The following SLC22A14 variants were observed in gnomAD, a reference collection of about 807,000 sequenced individuals.
SLC22A14 encodes the protein organic cation transporter-like 4.
In SLC22A14, 50 loss-of-function variants were observed where a neutral mutation model predicts 53.9. That is an observed-to-expected ratio of 0.93 (90% CI 0.74 to 1.17). The LOEUF is 1.17. SLC22A14 is among the 50% of genes most tolerant of loss of function. The pLI is 0.00. For synonymous variants in SLC22A14, 312 were observed against 303.0 expected (o/e 1.03, Z -0.31); for missense variants, 671 against 734.7 (o/e 0.91, Z 1.00).
At chr3:38,278,836 A>AAG (rs1180675128), upstream of SLC22A14, among the ~76,000 whole-genome samples, 4 of 151,592 alleles carry the variant, frequency 2.6e-5, 1 homozygote, top group African/African-American at 9.7e-5. Flanking sequence ...AAAAAAAAAA[A>AAG]AAAAAGATGG....
intron 1 of SLC22A14, among the ~76,000 whole-genome samples, chr3:38,284,699 A>G (rs13076941): frequency 0.15 from 22,550 of 152,030 alleles, 1,880 homozygotes; most frequent in Non-Finnish European, 0.19. Flanking sequence ...ACATGGAAGA[A>G]TGTCCCCTTC....
At chr3:38,316,821 T>TC (rs1704636469) in intron 10 of SLC22A14, among the ~76,000 whole-genome samples, 3 of 152,178 alleles carry the variant, frequency 2.0e-5, no homozygotes, top group Non-Finnish European at 4.4e-5. Context: ...GGGCATACCC[T>TC]CCAGGGGCAC....
At chr3:38,298,895 C>G (rs1212121678) in intron 1 of SLC22A14, among the ~76,000 whole-genome samples, 3 of 152,152 alleles carry the variant, frequency 2.0e-5, no homozygotes, top group Admixed American at 2.0e-4. Flanking sequence ...TGACAAAAAC[C>G]TAGCTCTTAT....
chr3:38,318,565 G>A lies in SLC22A14; in HGVS notation c.*316G>A, dbSNP rs1161919959. 6.8e-6 allele frequency: 2 copies of A among 292,338 alleles called. No homozygotes were observed. Among genetic ancestry groups the A allele is most frequent in the South Asian group, 1.2e-4 (2 of 16,400 alleles). The allele number at this position is 292,338 out of a possible 1,614,324, so 18.1% of individuals were successfully genotyped here. Reference sequence around the variant, plus strand: ...TGATTCATTCCAATAAAGGTACAATGTTGGTCTTGAGATGGCTGGGTCAAA... The same window carrying A: ...TGATTCATTCCAATAAAGGTACAATATTGGTCTTGAGATGGCTGGGTCAAA... On this transcript the variant is annotated 3_prime_UTR_variant, in exon 11 of 11. Transcript: ENST00000448498.
chr3:38,313,937 T>C lies in SLC22A14; in HGVS notation c.1374T>C (p.Pro458=), dbSNP rs1364698858. 2 of 1,613,204 alleles carry C rather than the reference T, an allele frequency of 1.2e-6. No homozygotes were observed. The highest frequency in any genetic ancestry group is 2.2e-5 in the East Asian group (1 of 44,856). Residue 458 remains proline, a synonymous_variant, in exon 8 of 11, where the codon CCT becomes CCC. Transcript: ENST00000448498. The stretch of plus-strand genomic sequence containing the variant: ...GGTGCTTGCTTCTCCTTTTCCTCCC[T>C]GAAGGTACAGCTCATCCTTCCCCTG... The part of the protein sequence containing the change: ...IIWCLLLLFL[P]EGEDGLRLKW...
At chr3:38,280,861 C>T (rs1703653500), upstream of SLC22A14, among the ~76,000 whole-genome samples, 1 of 152,206 alleles carries the variant, frequency 6.6e-6, no homozygotes, top group Non-Finnish European at 1.5e-5. Flanking sequence ...AACTCCTGAC[C>T]TCAGGTGATC....
chr3:38,288,964 G>A (rs184317864), intron 1 of SLC22A14, among the ~76,000 whole-genome samples: 11 of 152,000 alleles, frequency 7.2e-5, no homozygotes, highest in African/African-American at 2.4e-4. Context: ...AGGATCACTC[G>A]AGGCCAGAAG....
At position 38,318,312 on chromosome 3, in the gene SLC22A14, C is replaced by T; in HGVS notation, c.*63C>T. 1 of 1,444,262 alleles carries T rather than the reference C, an allele frequency of 6.9e-7. No individual in the cohort carries two copies. Among genetic ancestry groups the T allele is most frequent in the Non-Finnish European group, 9.8e-7 (1 of 1,025,094 alleles). The allele number at this position is 1,444,262 out of a possible 1,614,324, so 89.5% of individuals were successfully genotyped here. Reference sequence around the variant, plus strand: ...CTGAGATTGGACCCATACCCTGTCTCCAACCCTGCCTTGAAGCAATTCAAT... The same window carrying T: ...CTGAGATTGGACCCATACCCTGTCTTCAACCCTGCCTTGAAGCAATTCAAT... On this transcript the variant is annotated 3_prime_UTR_variant, in exon 11 of 11. Coordinates refer to ENST00000448498, the MANE Select transcript of SLC22A14 (RefSeq NM_001320033.2).
chr3:38,309,299 C>T (rs1298851255), intron 5 of SLC22A14, among the ~76,000 whole-genome samples, 177 bp downstream of exon 5: 1 of 152,126 alleles, frequency 6.6e-6, no homozygotes, highest in Non-Finnish European at 1.5e-5. Context: ...CAGCATTAAC[C>T]TCCTCCCCGA....
At chr3:38,296,842 C>A (rs562985623) in intron 1 of SLC22A14, among the ~76,000 whole-genome samples, 9,755 of 152,224 alleles carry the variant, frequency 0.064, 370 homozygotes, top group East Asian at 0.16. Flanking sequence ...TAATCCAGAG[C>A]AGCAATGGGC....
chr3:38,280,854 T>G (rs1237851630), upstream of SLC22A14, among the ~76,000 whole-genome samples: 1 of 152,248 alleles, frequency 6.6e-6, no homozygotes, highest in East Asian at 1.9e-4. Context: ...GGTCTTGAAC[T>G]CCTGACCTCA....
At chr3:38,313,294 C>T (rs557418697) in intron 6 of SLC22A14, 94 bp from the exon 7 acceptor site, 35 of 1,384,838 alleles carry the variant, frequency 2.5e-5, no homozygotes, top group Non-Finnish European at 3.6e-5. Context: ...CCAGCTGGCA[C>T]TTTCAGGGAC....
intron 1 of SLC22A14, among the ~76,000 whole-genome samples, chr3:38,290,177 C>G (rs1703880919): frequency 6.6e-6 from 1 of 152,220 alleles, no homozygotes; most frequent in Non-Finnish European, 1.5e-5. Flanking sequence ...TCCTGTCTCT[C>G]AGTTCTCCCT....
In SLC22A14 at chr3:38,307,177, G is replaced by A; in HGVS notation, c.517-77G>A. 1.0e-6 allele frequency: 1 copy of A among 1,003,218 alleles called. No individual in the cohort carries two copies. Among genetic ancestry groups the A allele is most frequent in the Middle Eastern group, 2.0e-4 (1 of 4,936 alleles). The allele number at this position is 1,003,218 out of a possible 1,614,324, so 62.1% of individuals were successfully genotyped here. Reference sequence around the variant, plus strand: ...TACCCCAGGTCCCCTTGGCCTATAGGTCCCACGCTGGGATGAGTCTCAGTC... The same window carrying A: ...TACCCCAGGTCCCCTTGGCCTATAGATCCCACGCTGGGATGAGTCTCAGTC... On this transcript the variant is annotated intron_variant, in intron 2 of 10. Coordinates refer to ENST00000448498, the MANE Select transcript of SLC22A14 (RefSeq NM_001320033.2). This position sits in a 1 kb window ranked among gnomAD's most constrained non-coding sequence, Gnocchi z 4.4.
chr3:38,292,322 GAGTC>G (rs1476753965), intron 1 of SLC22A14, among the ~76,000 whole-genome samples: 2 of 152,182 alleles, frequency 1.3e-5, no homozygotes, highest in Admixed American at 1.3e-4. Context: ...CAAGAATTGA[GAGTC>G]AGGATGTACA....
intron 1 of SLC22A14, among the ~76,000 whole-genome samples, chr3:38,297,144 T>A (rs1704058110): frequency 6.6e-6 from 1 of 152,230 alleles, no homozygotes; most frequent in African/African-American, 2.4e-5. Flanking sequence ...AATAGATGAT[T>A]GGCTATTTCT....
chr3:38,296,332 C>T (rs1002505523), intron 1 of SLC22A14, among the ~76,000 whole-genome samples: 7 of 151,582 alleles, frequency 4.6e-5, no homozygotes, highest in African/African-American at 1.7e-4. Flanking sequence ...GACCAACGTT[C>T]CCAACCCAGA....
chr3:38,291,400 T>C (rs1236097006), intron 1 of SLC22A14, among the ~76,000 whole-genome samples: 2 of 152,252 alleles, frequency 1.3e-5, no homozygotes, highest in African/African-American at 4.8e-5. Context: ...AAGTGCACAG[T>C]TGCGGCACTG....
chr3:38,312,814 AG>A (rs1264791438), intron 5 of SLC22A14, among the ~76,000 whole-genome samples, 184 bp from the exon 6 acceptor site: 5 of 152,178 alleles, frequency 3.3e-5, no homozygotes, highest in Admixed American at 3.3e-4. Flanking sequence ...AGGCTTAGAC[AG>A]GGGAAGGGCT....
Sources: allele counts gnomAD v4.1 joint callset (sites outside exome capture counted in the v4.1 genomes callset), GRCh38; gene constraint gnomAD v4.1.1; non-coding constraint Gnocchi (gnomAD v3.1); transcripts MANE v1.5; gene names NCBI Gene and HGNC (gene_info 2026-07-23, HGNC 2026-07-21).